Variants in IRAK1BP1 observed in about 807,000 individuals in gnomAD.
IRAK1BP1 encodes interleukin 1 receptor associated kinase 1 binding protein 1.
A neutral mutation model predicts 28.0 loss-of-function variants in IRAK1BP1; 24 were observed. The observed-to-expected ratio is 0.86, with a 90% CI of 0.62 to 1.20. The LOEUF is 1.20. Ranked by LOEUF, IRAK1BP1 falls within the 50% of genes most tolerant of loss-of-function variation. IRAK1BP1 has a pLI of 0.00. For synonymous variants in IRAK1BP1, 131 were observed against 116.3 expected, an observed-to-expected ratio of 1.13 and a Z score of -0.81; for missense variants, 336 against 316.7, an observed-to-expected ratio of 1.06 and a Z score of -0.46.
chr6:78,883,286 A>G (rs960356912), intron 1 of IRAK1BP1, among the ~76,000 whole-genome samples: 1 of 152,136 alleles, frequency 6.6e-6, no homozygotes, highest in African/African-American at 2.4e-5. Flanking sequence ...AAAATGTAGA[A>G]TATAATTTTA....
chr6:78,871,542 A>G (rs1293586469), intron 1 of IRAK1BP1: 6 of 984,898 alleles, frequency 6.1e-6, no homozygotes, highest in Non-Finnish European at 7.2e-6. Context: ...ATCAAGGCAT[A>G]TAGTTCTTGC....
chr6:78,967,292 A>G, the IRAK1BP1 span, among the ~76,000 whole-genome samples: 1 of 152,220 alleles, frequency 6.6e-6, no homozygotes, highest in Non-Finnish European at 1.5e-5. Flanking sequence ...ACTTAACAAA[A>G]AGCTACTATA....
rs1772159057 is a variant in IRAK1BP1, at chr6:78,903,026, A to G, written c.*4692A>G. 8 of 1,525,746 alleles carry G rather than the reference A, an allele frequency of 5.2e-6. No individual in the cohort carries two copies. The highest frequency in any genetic ancestry group is 6.1e-6 in the Non-Finnish European group (7 of 1,140,784). The allele number at this position is 1,525,746 out of a possible 1,614,324, so 94.5% of individuals were successfully genotyped here. ...GAATCCTTCTTCAACATCCCAACCA[A>G]CAATTACTCCCAGATAGCCATGTCA... On this transcript the variant is annotated 3_prime_UTR_variant, in exon 4 of 4. Transcript: ENST00000369940.
intron 2 of IRAK1BP1, among the ~76,000 whole-genome samples, chr6:78,887,459 T>G (rs907336211): frequency 6.6e-6 from 1 of 150,532 alleles, no homozygotes; most frequent in Non-Finnish European, 1.5e-5. Context: ...AGGTCAGGAG[T>G]TCAAGACCAG....
chr6:78,911,932 T>A (rs537147549), intron 4 of IRAK1BP1, among the ~76,000 whole-genome samples: 1 of 152,316 alleles, frequency 6.6e-6, no homozygotes, highest in East Asian at 1.9e-4. Context: ...GTACAGTGAC[T>A]GGGACATAGC....
intron 4 of IRAK1BP1, among the ~76,000 whole-genome samples, chr6:78,910,719 G>T (rs1352643626): frequency 6.6e-6 from 1 of 152,270 alleles, no homozygotes; most frequent in African/African-American, 2.4e-5. Flanking sequence ...GCAGGCGGCG[G>T]CCGCAAGGAC....
intron 4 of IRAK1BP1, among the ~76,000 whole-genome samples, chr6:78,926,061 G>A (rs1772882184): frequency 1.3e-5 from 2 of 151,760 alleles, no homozygotes; most frequent in African/African-American, 2.4e-5. Flanking sequence ...GGAGGGTGAA[G>A]ATCAAAAAAT....
intron 4 of IRAK1BP1, among the ~76,000 whole-genome samples, chr6:78,917,267 T>C (rs1289498009): frequency 1.3e-5 from 2 of 151,104 alleles, no homozygotes; most frequent in Admixed American, 6.6e-5. Flanking sequence ...ACTTAAGAAA[T>C]TTCAAAATAC....
chr6:78,892,229 A>G (rs958177833), intron 2 of IRAK1BP1, among the ~76,000 whole-genome samples: 1 of 152,084 alleles, frequency 6.6e-6, no homozygotes, highest in African/African-American at 2.4e-5. Flanking sequence ...TTAGTTAGCC[A>G]GTTTCATTCA....
intron 4 of IRAK1BP1, among the ~76,000 whole-genome samples, chr6:78,925,983 ACT>A (rs1466091264): frequency 3.3e-5 from 5 of 152,116 alleles, no homozygotes; most frequent in Non-Finnish European, 7.4e-5. Context: ...GAAAATAAGC[ACT>A]GATTAAACAT....
the IRAK1BP1 span, among the ~76,000 whole-genome samples, chr6:78,974,554 C>T: frequency 2.6e-5 from 4 of 151,722 alleles, no homozygotes; most frequent in Non-Finnish European, 4.4e-5. Flanking sequence ...AATAGAGACA[C>T]AAAAAACCCT....
intron 4 of IRAK1BP1, among the ~76,000 whole-genome samples, chr6:78,927,981 T>C (rs1435575716): frequency 6.6e-6 from 1 of 152,130 alleles, no homozygotes; most frequent in Non-Finnish European, 1.5e-5. Context: ...ATTCCTCCAG[T>C]TTTGTTCCTT....
downstream of IRAK1BP1, among the ~76,000 whole-genome samples, chr6:78,947,442 T>C (rs1773887245): frequency 6.6e-6 from 1 of 152,174 alleles, no homozygotes; most frequent in Non-Finnish European, 1.5e-5. Flanking sequence ...AAAGATAACA[T>C]CAATGTTATT....
intron 2 of IRAK1BP1, among the ~76,000 whole-genome samples, chr6:78,893,164 GA>G (rs1177414234): frequency 6.6e-6 from 1 of 151,104 alleles, no homozygotes; most frequent in Non-Finnish European, 1.5e-5. Flanking sequence ...CAGAGGAGGA[GA>G]AAAAAGACAT....
intron 1 of IRAK1BP1, among the ~76,000 whole-genome samples, chr6:78,879,255 C>T (rs1402690021): frequency 7.2e-5 from 11 of 151,886 alleles, no homozygotes; most frequent in South Asian, 2.1e-4. Context: ...ATGTAAATGA[C>T]GAGTTAATGG....
chr6:78,949,843 T>C (rs1774046124), downstream of IRAK1BP1, among the ~76,000 whole-genome samples: 4 of 152,014 alleles, frequency 2.6e-5, 1 homozygote, highest in South Asian at 6.3e-4. Flanking sequence ...TGCACGCCAC[T>C]GCACCCGGTT....
intron 4 of IRAK1BP1, among the ~76,000 whole-genome samples, chr6:78,934,181 A>G (rs1443377519): frequency 6.6e-6 from 1 of 152,212 alleles, no homozygotes; most frequent in South Asian, 2.1e-4. Flanking sequence ...TGTATTAACT[A>G]TCTTATATGG....
the IRAK1BP1 span, among the ~76,000 whole-genome samples, chr6:78,966,854 G>A: frequency 6.6e-6 from 1 of 152,180 alleles, no homozygotes; most frequent in African/African-American, 2.4e-5. Flanking sequence ...GGCTAGCATA[G>A]GCTAGAGCCT....
At chr6:78,886,824 G>C (rs1582007340) in intron 2 of IRAK1BP1, among the ~76,000 whole-genome samples, 1 of 152,146 alleles carries the variant, frequency 6.6e-6, no homozygotes, top group East Asian at 1.9e-4. Flanking sequence ...CTAAATGAGA[G>C]TTTGGCTAAA....
Sources: gnomAD v4.1 joint callset for allele counts (sites outside exome capture counted in the v4.1 genomes callset) on GRCh38, gnomAD v4.1.1 for gene constraint, MANE v1.5 for transcripts, NCBI Gene and HGNC (gene_info 2026-07-23, HGNC 2026-07-21) for gene names.